Variants in SPACA6 observed in about 807,000 individuals in gnomAD.
SPACA6 encodes sperm acrosome associated 6, also known as sperm acrosome membrane-associated protein 6.
For missense variants in SPACA6, 8 were observed against 2.8 expected (o/e 2.88, Z -1.34); for synonymous variants, 6 against 1.5 (o/e 4.05, Z -2.21).
the SPACA6 span, among the ~76,000 whole-genome samples, chr19:51,683,580 C>T: frequency 6.6e-6 from 1 of 152,144 alleles, no homozygotes; most frequent in African/African-American, 2.4e-5. Flanking sequence ...AAAATACCTT[C>T]ATAAGAATAA....
upstream of SPACA6, chr19:51,685,418 A>G (rs1357210794): frequency 1.3e-5 from 2 of 152,188 alleles, no homozygotes; most frequent in Admixed American, 1.3e-4. Flanking sequence ...ATAAAATCAG[A>G]TATTTGGGGA....
Position 51,703,919 on chromosome 19 carries a change from C to T in SPACA6, c.574-111C>T. The T allele has an allele frequency of 2.5e-6, 1 of 393,462 alleles. No homozygotes were observed. 24.4% of individuals were successfully genotyped at this position (393,462 alleles called of 1,614,324 possible). A position where few individuals can be genotyped will look rare whatever the true frequency, so the allele number is the denominator to read the frequency against. On this transcript the variant is annotated intron_variant, in intron 6 of 8. Coordinates refer to ENST00000637797, the MANE Select transcript of SPACA6 (RefSeq NM_001316972.2). The surrounding 1 kb of genome is among the most constrained non-coding windows in gnomAD (Gnocchi z 4.2). ...GAGCGAGAAGGCTCGGGGGCGGGCT[C>T]AAGGCTCAGGGCCAGGACTCCAGGG... is the stretch of plus-strand genomic sequence containing the variant.
downstream of SPACA6, among the ~76,000 whole-genome samples, chr19:51,709,531 C>CAAAAAAAAAA (rs56170768): frequency 1.8e-5 from 1 of 54,466 alleles, no homozygotes; most frequent in African/African-American, 7.0e-5. Context: ...AAAAAAAAGG[C>CAAAAAAAAAA]AAAAAAAAAA....
Position 51,704,046 on chromosome 19 carries a change from T to A in SPACA6, c.590T>A (p.Leu197Ter). 5.0e-6 allele frequency: 2 copies of A among 401,090 alleles called. No individual in the cohort carries two copies. Among genetic ancestry groups the A allele is most frequent in the Non-Finnish European group, 8.8e-6 (2 of 226,212 alleles). 24.8% of individuals were successfully genotyped at this position (401,090 alleles called of 1,614,324 possible). ...FAGGGLRTQD[L>*]SYFRDMPRAE... Reference sequence around the variant, plus strand: ...GTCCCGCAGCTCCGGACTCAGGACTTGTCCTATTTCCGAGATATGCCGCGG... The same window carrying A: ...GTCCCGCAGCTCCGGACTCAGGACTAGTCCTATTTCCGAGATATGCCGCGG... The change falls in exon 7 of 9, where the codon TTG (leucine) becomes TAG (stop). Residue 197 changes from leucine (L) to a stop codon, truncating the protein, a stop_gained. Transcript: ENST00000637797. LOFTEE classifies it high-confidence loss of function.
intron 2 of SPACA6, among the ~76,000 whole-genome samples, chr19:51,695,766 T>C (rs2083425719): frequency 6.6e-6 from 1 of 151,930 alleles, no homozygotes; most frequent in Non-Finnish European, 1.5e-5. Context: ...GGGACAAACT[T>C]GGAGGGGAGA....
At chr19:51,709,113 C>T (rs996898721), downstream of SPACA6, among the ~76,000 whole-genome samples, 4 of 151,782 alleles carry the variant, frequency 2.6e-5, no homozygotes, top group African/African-American at 9.7e-5. Flanking sequence ...CCTGTAATCC[C>T]AGCACTTTGG....
At chr19:51,709,496 A>G (rs1375725435), downstream of SPACA6, among the ~76,000 whole-genome samples, 1 of 149,702 alleles carries the variant, frequency 6.7e-6, no homozygotes, top group Non-Finnish European at 1.5e-5. Flanking sequence ...CAGCCTGGGC[A>G]AAAAGAGCGA....
chr19:51,693,173 C>G (rs2083390470), upstream of SPACA6: 2 of 495,526 alleles, frequency 4.0e-6, no homozygotes, highest in Non-Finnish European at 8.0e-6. Context: ...GTCTTTCTGT[C>G]TCTGGCTCTC....
At chr19:51,698,420 C>T (rs757697466) in intron 2 of SPACA6, among the ~76,000 whole-genome samples, 2 of 152,100 alleles carry the variant, frequency 1.3e-5, no homozygotes, top group Admixed American at 6.5e-5. Flanking sequence ...ATAAGCCCAC[C>T]CGGCCACCAT....
At chr19:51,697,543 C>T (rs2083438944) in intron 2 of SPACA6, among the ~76,000 whole-genome samples, 1 of 152,146 alleles carries the variant, frequency 6.6e-6, no homozygotes, top group South Asian at 2.1e-4. Flanking sequence ...GAAGGGAACG[C>T]TGGGCTCTTC....
chr19:51,695,165 C>T (rs1026518956), intron 2 of SPACA6, among the ~76,000 whole-genome samples: 7 of 152,164 alleles, frequency 4.6e-5, no homozygotes, highest in African/African-American at 1.7e-4. Flanking sequence ...CAGAGTGGAT[C>T]ACTCAGGTGA....
chr19:51,682,713 G>C, the SPACA6 span, among the ~76,000 whole-genome samples: 3 of 152,214 alleles, frequency 2.0e-5, no homozygotes, highest in African/African-American at 7.2e-5. Flanking sequence ...TTCTAGGGCT[G>C]TTGTAATAAA....
chr19:51,703,252 GC>G lies in SPACA6; in HGVS notation c.489del (p.Asp164ThrfsTer9). The part of the protein sequence containing the change: ...CPVQDVTVTR[G>X]DQAMFSCIVN... The stretch of plus-strand genomic sequence containing the variant: ...GTTCAGGATGTGACAGTGACTCGGG[GC>G]GACCAGGCTATGTTTTCTTGCATCG... On this transcript the variant is annotated frameshift_variant, in exon 6 of 9. Coordinates refer to ENST00000637797, the MANE Select transcript of SPACA6 (RefSeq NM_001316972.2). LOFTEE classifies it high-confidence loss of function. The surrounding 1 kb of genome is among the most constrained non-coding windows in gnomAD (Gnocchi z 4.2). The G allele has an allele frequency of 2.5e-6, 1 of 399,412 alleles. No individual in the cohort carries two copies. Among genetic ancestry groups the G allele is most frequent in the East Asian group, 3.6e-5 (1 of 28,084 alleles). The allele number at this position is 399,412 out of a possible 1,614,324, so 24.7% of individuals were successfully genotyped here. A position where few individuals can be genotyped will look rare whatever the true frequency, so the allele number is the denominator to read the frequency against.
Position 51,703,567 on chromosome 19 carries a change from C to T in SPACA6, c.573+230C>T, listed in dbSNP as rs2083487214. On this transcript the variant is annotated intron_variant, in intron 6 of 8. Transcript: ENST00000637797. This position sits in a 1 kb window ranked among gnomAD's most constrained non-coding sequence, Gnocchi z 4.2. The stretch of plus-strand genomic sequence containing the variant: ...ATCCCAGCGCTTTTGGAGACCAAGG[C>T]GGGAGGATGGCTTGAGCCCAGGAGT... Among the ~76,000 whole-genome samples the T allele has an allele frequency of 6.6e-6, 1 of 152,108 alleles. No individual in the cohort carries two copies. The highest frequency in any genetic ancestry group is 1.5e-5 in the Non-Finnish European group (1 of 68,030).
chr19:51,712,957 A>T (rs540098058), downstream of SPACA6, among the ~76,000 whole-genome samples: 5 of 152,108 alleles, frequency 3.3e-5, no homozygotes, highest in South Asian at 1.0e-3. Context: ...GCCCCAGGGG[A>T]TTAATAATCC....
At chr19:51,688,043 G>C (rs986175795), upstream of SPACA6, 3 of 152,362 alleles carry the variant, frequency 2.0e-5, no homozygotes, top group Admixed American at 1.3e-4. Flanking sequence ...CAGCCTCAGC[G>C]GGGTCTGACA....
chr19:51,704,556 C>G (rs1015539325), intron 8 of SPACA6, 76 bp downstream of exon 8: 2 of 400,554 alleles, frequency 5.0e-6, no homozygotes, highest in Non-Finnish European at 8.8e-6. Context: ...TCTGGGTTCC[C>G]AGCAACCTCC....
At chr19:51,709,531 C>CAAAAAAAAAAAAAAAAAAAAA (rs56170768), downstream of SPACA6, among the ~76,000 whole-genome samples, 1 of 54,466 alleles carries the variant, frequency 1.8e-5, no homozygotes, top group Non-Finnish European at 3.4e-5. Context: ...AAAAAAAAGG[C>CAAAAAAAAAAAAAAAAAAAAA]AAAAAAAAAA....
chr19:51,690,680 C>A (rs141307324), upstream of SPACA6, among the ~76,000 whole-genome samples: 109 of 152,274 alleles, frequency 7.2e-4, 1 homozygote, highest in East Asian at 0.011. Context: ...CCAGGGAGTT[C>A]GCGTTTCCAC....
Sources: gnomAD v4.1 joint callset for allele counts (sites outside exome capture counted in the v4.1 genomes callset) on GRCh38, gnomAD v4.1.1 for gene constraint, Gnocchi (gnomAD v3.1) non-coding constraint, MANE v1.5 for transcripts, NCBI Gene and HGNC (gene_info 2026-07-23, HGNC 2026-07-21) for gene names.